The following CNTN1 variants were observed in gnomAD, a reference collection of about 807,000 sequenced individuals.
The protein encoded by CNTN1 is contactin-1.
A neutral mutation model predicts 126.4 loss-of-function variants in CNTN1; 38 were observed. The ratio of observed to expected loss-of-function variants is 0.30; its 90% CI spans 0.23 to 0.39. CNTN1 has a LOEUF of 0.39. Among genes scored for constraint, CNTN1 ranks in the 10% least tolerant of loss-of-function variants. CNTN1 has a pLI of 1.00. For missense variants in CNTN1, 1,009 were observed against 1,248.4 expected (o/e 0.81, Z 2.89); for synonymous variants, 413 against 422.6 (o/e 0.98, Z 0.28).
chr12:40,862,208 T>TACACACACACACACACACAC (rs145686900), intron 1 of CNTN1, among the ~76,000 whole-genome samples: 3 of 147,254 alleles, frequency 2.0e-5, no homozygotes, highest in African/African-American at 7.6e-5. Context: ...TGTCTCTTAA[T>TACACACACACACACACACAC]ACACACACAC....
intron 1 of CNTN1, among the ~76,000 whole-genome samples, chr12:40,863,678 C>A (rs1240536654): frequency 6.6e-6 from 1 of 152,090 alleles, no homozygotes; most frequent in Non-Finnish European, 1.5e-5. Flanking sequence ...GCATTAGATT[C>A]TCATAGGAGC....
At chr12:40,851,362 C>T (rs757056367) in intron 1 of CNTN1, among the ~76,000 whole-genome samples, 16 of 152,258 alleles carry the variant, frequency 1.1e-4, no homozygotes, top group Non-Finnish European at 1.6e-4. Flanking sequence ...AAAGTATATA[C>T]GTGCACACTC....
At chr12:40,862,972 C>T (rs979047262) in intron 1 of CNTN1, among the ~76,000 whole-genome samples, 9 of 152,012 alleles carry the variant, frequency 5.9e-5, no homozygotes, top group Non-Finnish European at 1.3e-4. Flanking sequence ...TTTTCTCTAC[C>T]TTATTAAATG....
At chr12:40,711,745 T>C (rs928600483) in intron 1 of CNTN1, among the ~76,000 whole-genome samples, 5 of 152,082 alleles carry the variant, frequency 3.3e-5, no homozygotes, top group African/African-American at 1.2e-4. Context: ...AGGATCTTGC[T>C]CTGTCTTCCA....
At chr12:40,916,210 A>T (rs1383748892) in intron 3 of CNTN1, among the ~76,000 whole-genome samples, 1 of 152,104 alleles carries the variant, frequency 6.6e-6, no homozygotes, top group African/African-American at 2.4e-5. Context: ...AAATTATCTT[A>T]CCTTCAAGAA....
At chr12:40,728,115 A>C (rs945949938) in intron 1 of CNTN1, among the ~76,000 whole-genome samples, 4 of 152,346 alleles carry the variant, frequency 2.6e-5, no homozygotes, top group Non-Finnish European at 5.9e-5. Context: ...TTGAGGACTG[A>C]CATCAACAAC....
chr12:40,752,218 G>T (rs1364980115), intron 1 of CNTN1, among the ~76,000 whole-genome samples: 2 of 152,020 alleles, frequency 1.3e-5, no homozygotes, highest in African/African-American at 4.8e-5. Flanking sequence ...GGCTTACAAT[G>T]ACTGCTTTGT....
chr12:40,884,975 T>A (rs1459669898), intron 1 of CNTN1, among the ~76,000 whole-genome samples: 1 of 151,558 alleles, frequency 6.6e-6, no homozygotes, highest in African/African-American at 2.4e-5. Flanking sequence ...ATATTTTGAC[T>A]TTTAATTCAT....
chr12:41,057,151 TTTATAAATATTAAGATATTTATA>T lies in CNTN1; in HGVS notation c.2981-12796_2981-12774del, dbSNP rs1285536460. On this transcript the variant is annotated intron_variant, in intron 23 of 23. Coordinates refer to ENST00000551295, the MANE Select transcript of CNTN1 (RefSeq NM_001843.4). ...TATTTATAAATATTATATTTAGATA[TTTATAAATATTAAGATATTTATA>T]TTATAAATATTTAGATATTTATATT... Among the ~76,000 whole-genome samples, 42 of 144,216 alleles carry T rather than the reference TTTATAAATATTAAGATATTTATA, an allele frequency of 2.9e-4. 1 individual carries two copies. Among genetic ancestry groups the T allele is most frequent in the East Asian group, 1.8e-3 (9 of 5,040 alleles). The allele number at this position is 144,216 out of a possible 152,430, so 94.6% of individuals were successfully genotyped here.
chr12:40,776,246 A>G (rs1939572855), intron 1 of CNTN1, among the ~76,000 whole-genome samples: 1 of 151,754 alleles, frequency 6.6e-6, no homozygotes, highest in Admixed American at 6.6e-5. Flanking sequence ...TGTAAGACAG[A>G]TAAGATCAAG....
chr12:40,735,576 A>T (rs1937635721), intron 1 of CNTN1, among the ~76,000 whole-genome samples: 1 of 152,108 alleles, frequency 6.6e-6, no homozygotes, highest in Non-Finnish European at 1.5e-5. Context: ...GAGACCAAAG[A>T]TACTTCCTCT....
intron 3 of CNTN1, 24 bp downstream of exon 3, chr12:40,910,129 T>C: frequency 1.3e-6 from 2 of 1,554,848 alleles, no homozygotes; most frequent in East Asian, 4.5e-5. Flanking sequence ...AGAGTAGACC[T>C]TGTAAACATC....
intron 14 of CNTN1, among the ~76,000 whole-genome samples, chr12:40,947,782 TACACACACACACACACACAC>T (rs56852774): frequency 1.7e-5 from 2 of 118,920 alleles, no homozygotes; most frequent in Non-Finnish European, 3.5e-5. Context: ...TATATATATA[TACACACACACACACACACAC>T]ACACACACAC....
chr12:41,016,732 A>G lies in CNTN1; in HGVS notation c.2235A>G (p.Ala745=), dbSNP rs936625009. 1.4e-5 allele frequency: 22 copies of G among 1,614,058 alleles called. No individual in the cohort carries two copies. Among genetic ancestry groups the G allele is most frequent in the Non-Finnish European group, 1.7e-5 (20 of 1,180,030 alleles). ...HYGNNFGYIV[A]FKPFDGEEWK... ...GCAACAATTTTGGTTACATAGTGGC[A>G]TTTAAGCCATTTGATGGAGAAGAAT... The change falls in exon 19 of 24, where the codon GCA becomes GCG. Residue 745 remains alanine (A), a synonymous_variant. Coordinates refer to ENST00000551295, the MANE Select transcript of CNTN1 (RefSeq NM_001843.4).
intron 1 of CNTN1, among the ~76,000 whole-genome samples, chr12:40,775,816 G>GA (rs1939554931): frequency 6.6e-6 from 1 of 151,576 alleles, no homozygotes; most frequent in African/African-American, 2.4e-5. Flanking sequence ...TGAAATGCTA[G>GA]AAACATTGCG....
chr12:40,798,013 G>A (rs1940509194), intron 1 of CNTN1, among the ~76,000 whole-genome samples: 1 of 152,004 alleles, frequency 6.6e-6, no homozygotes, highest in African/African-American at 2.4e-5. Context: ...GGGTTAATGA[G>A]TCTGGAGCTC....
intron 1 of CNTN1, among the ~76,000 whole-genome samples, chr12:40,804,008 G>A (rs1006121336): frequency 9.2e-5 from 14 of 152,006 alleles, no homozygotes; most frequent in Non-Finnish European, 1.6e-4. Context: ...AGGAGTGGTT[G>A]AGTGTGCTCA....
chr12:40,954,507 T>C (rs538500075), intron 14 of CNTN1, among the ~76,000 whole-genome samples: 1 of 152,200 alleles, frequency 6.6e-6, no homozygotes, highest in Non-Finnish European at 1.5e-5. Flanking sequence ...ATATAAGTAA[T>C]AAAATAACAT....
chr12:40,863,576 T>C (rs1321002412), intron 1 of CNTN1, among the ~76,000 whole-genome samples: 1 of 152,112 alleles, frequency 6.6e-6, no homozygotes, highest in East Asian at 1.9e-4. Flanking sequence ...CTGGTACCAG[T>C]CCGTGACCTG....
Sources: gnomAD v4.1 joint callset for allele counts (sites outside exome capture counted in the v4.1 genomes callset) on GRCh38, gnomAD v4.1.1 for gene constraint, MANE v1.5 for transcripts, NCBI Gene and HGNC (gene_info 2026-07-23, HGNC 2026-07-21) for gene names.